The following CD200R1 variants were observed in gnomAD, a reference collection of about 807,000 sequenced individuals.
CD200R1 encodes CD200 receptor 1.
Under a neutral mutation model 38.1 loss-of-function variants are expected in CD200R1, and 30 were observed. The ratio of observed to expected loss-of-function variants is 0.79; its 90% CI spans 0.59 to 1.07. The LOEUF is 1.07. Ranked by LOEUF, CD200R1 falls within the 50% of genes least tolerant of loss-of-function variation. The pLI is 0.00. For missense variants in CD200R1, 372 were observed against 415.4 expected (o/e 0.90, Z 0.91); for synonymous variants, 128 against 152.1 (o/e 0.84, Z 1.16).
chr3:112,928,888 T>C lies in CD200R1; in HGVS notation c.697A>G (p.Asn233Asp), dbSNP rs1458462807. 5.6e-6 allele frequency: 9 copies of C among 1,613,970 alleles called. No individual in the cohort carries two copies. Among genetic ancestry groups the C allele is most frequent in the Non-Finnish European group, 6.8e-6 (8 of 1,179,970 alleles). ...ACGTGGCAGGTCACGGTAGACACAT[T>C]GTGGACCTCCCAGTGGCATGTACTC... ...VKSTCHWEVH[N>D]VSTVTCHVSH... The change falls in exon 5 of 8, where the codon AAT becomes GAT. Residue 233 changes from asparagine (N) to aspartate (D), a missense_variant. By Grantham distance (23) the Asn-to-Asp change is conservative. Transcript: ENST00000308611.
chr3:112,947,187 T>C (rs1003491278), intron 2 of CD200R1, among the ~76,000 whole-genome samples: 9 of 152,172 alleles, frequency 5.9e-5, no homozygotes, highest in African/African-American at 1.9e-4. Flanking sequence ...CTCTATAAAA[T>C]ATTATCATGG....
At chr3:112,935,782 G>A (rs1940562566) in intron 2 of CD200R1, among the ~76,000 whole-genome samples, 1 of 152,070 alleles carries the variant, frequency 6.6e-6, no homozygotes, top group African/African-American at 2.4e-5. Context: ...CAACAAAAAA[G>A]TTTTGTTTTT....
chr3:112,928,705 G>T, intron 5 of CD200R1, 111 bp downstream of exon 5: 2 of 779,204 alleles, frequency 2.6e-6, no homozygotes, highest in South Asian at 3.8e-5. Context: ...AGATAAAAAT[G>T]AAGAGTGGGG....
At chr3:112,951,612 A>T (rs1940970147) in intron 1 of CD200R1, among the ~76,000 whole-genome samples, 1 of 151,894 alleles carries the variant, frequency 6.6e-6, no homozygotes, top group Admixed American at 6.5e-5. Context: ...TATTAGGCAT[A>T]GAATTTTCAA....
chr3:112,921,394 A>G lies in CD200R1; in HGVS notation c.*2283T>C, dbSNP rs1455032615. On this transcript the variant is annotated 3_prime_UTR_variant, in exon 8 of 8. Transcript: ENST00000308611. Reference sequence around the variant, plus strand: ...AGTTTGTAAGTGAAGCATAACCCCAATAGATATTTAGTTATGATGAATTAC... The same window carrying G: ...AGTTTGTAAGTGAAGCATAACCCCAGTAGATATTTAGTTATGATGAATTAC... 1 of 152,092 alleles carries G rather than the reference A, an allele frequency of 6.6e-6. No homozygotes were observed. Among genetic ancestry groups the G allele is most frequent in the Non-Finnish European group, 1.5e-5 (1 of 68,002 alleles). The allele number at this position is 152,092 out of a possible 1,614,324, so 9.4% of individuals were successfully genotyped here.
At chr3:112,936,074 G>C (rs1301192059) in intron 2 of CD200R1, among the ~76,000 whole-genome samples, 1 of 152,068 alleles carries the variant, frequency 6.6e-6, no homozygotes, top group Non-Finnish European at 1.5e-5. Context: ...TTCTGCATTA[G>C]TTTGCTGAGG....
intron 2 of CD200R1, among the ~76,000 whole-genome samples, chr3:112,932,666 G>T (rs953214072): frequency 3.9e-5 from 6 of 152,200 alleles, no homozygotes; most frequent in African/African-American, 1.4e-4. Flanking sequence ...CAGGATCTGG[G>T]AAACTGTCAA....
At chr3:112,924,933 A>G in intron 6 of CD200R1, 152 bp downstream of exon 6, 3 of 621,114 alleles carry the variant, frequency 4.8e-6, no homozygotes, top group Non-Finnish European at 5.7e-6. Flanking sequence ...TCATCATTCA[A>G]AGTAGTCCAA....
intron 1 of CD200R1, among the ~76,000 whole-genome samples, chr3:112,973,906 T>C (rs775595257): frequency 6.6e-6 from 1 of 152,190 alleles, no homozygotes; most frequent in Non-Finnish European, 1.5e-5. Flanking sequence ...CTATAACTTC[T>C]ATAGGAACCT....
Position 112,923,806 on chromosome 3 carries a change from A to C in CD200R1, c.925-7T>G, listed in dbSNP as rs755624064. The C allele has an allele frequency of 1.4e-5, 21 of 1,528,952 alleles. No homozygotes were observed. In the South Asian group the frequency reaches 2.5e-4, roughly 18 times the overall value. 94.7% of individuals were successfully genotyped at this position (1,528,952 alleles called of 1,614,324 possible). A position where few individuals can be genotyped will look rare whatever the true frequency, so the allele number is the denominator to read the frequency against. On this transcript the variant is annotated splice_polypyrimidine_tract_variant and splice_region_variant and intron_variant, in intron 7 of 7. Coordinates refer to ENST00000308611, the MANE Select transcript of CD200R1 (RefSeq NM_138806.4). ...CATAGGGCTGCATTTCATCCTAAGA[A>C]AGAACTCAAAGTTAAAATCAATTCA...
intron 2 of CD200R1, among the ~76,000 whole-genome samples, chr3:112,946,759 T>C (rs535218938): frequency 6.8e-4 from 104 of 152,328 alleles, no homozygotes; most frequent in African/African-American, 2.4e-3. Context: ...TCTCCTACCA[T>C]GCAATCCAAC....
At chr3:112,973,851 C>G (rs1933368598) in intron 1 of CD200R1, among the ~76,000 whole-genome samples, 1 of 152,160 alleles carries the variant, frequency 6.6e-6, no homozygotes, top group South Asian at 2.1e-4. Context: ...CTCCTACCAA[C>G]CTTCTACAGT....
intron 2 of CD200R1, among the ~76,000 whole-genome samples, chr3:112,931,690 G>A (rs1337671201): frequency 6.6e-6 from 1 of 152,100 alleles, no homozygotes; most frequent in African/African-American, 2.4e-5. Flanking sequence ...AGTACAAAGG[G>A]AAAAATATAG....
rs777386929 is a variant in CD200R1 at position 112,924,475 on chromosome 3, TTTATC to T, written c.924+10_924+14del. 3.8e-6 allele frequency: 5 copies of T among 1,325,756 alleles called. No homozygotes were observed. Among genetic ancestry groups the T allele is most frequent in the Non-Finnish European group, 4.9e-6 (5 of 1,013,228 alleles). The allele number at this position is 1,325,756 out of a possible 1,614,324, so 82.1% of individuals were successfully genotyped here. A position where few individuals can be genotyped will look rare whatever the true frequency, so the allele number is the denominator to read the frequency against. On this transcript the variant is annotated intron_variant, in intron 7 of 7. Coordinates refer to ENST00000308611, the MANE Select transcript of CD200R1 (RefSeq NM_138806.4). ...TGGCTTAAGTTTGCAATTAGTCTTT[TTTATC>T]TTATCTTACCTCCTCAACAACTGGA...
At position 112,947,910 on chromosome 3, in the gene CD200R1, C is replaced by T; in HGVS notation, c.82G>A (p.Ala28Thr). ...IFLVAEAEGA[A>T]QPNNSLMLQT... ...AGCATTAATGAGTTGTTTGGTTGAGCAGCACCCTCCGCTTCTGAATTTTGA... is the reference window on the plus strand; with the variant it reads ...AGCATTAATGAGTTGTTTGGTTGAGTAGCACCCTCCGCTTCTGAATTTTGA... The change falls in exon 2 of 8, where the codon GCT becomes ACT. Residue 28 changes from alanine to threonine, a missense_variant. By Grantham distance (58) the Ala-to-Thr change is moderately conservative (BLOSUM62 0). Transcript: ENST00000308611. The T allele has an allele frequency of 1.2e-6, 2 of 1,611,918 alleles. No individual in the cohort carries two copies. Among genetic ancestry groups the T allele is most frequent in the Non-Finnish European group, 1.7e-6 (2 of 1,177,994 alleles).
At chr3:112,935,269 T>C (rs1161298672) in intron 2 of CD200R1, among the ~76,000 whole-genome samples, 1 of 152,160 alleles carries the variant, frequency 6.6e-6, no homozygotes, top group Non-Finnish European at 1.5e-5. Context: ...ACATTTTATA[T>C]AACAGCTGCA....
chr3:112,935,161 C>T (rs1181602934), intron 2 of CD200R1, among the ~76,000 whole-genome samples: 1 of 152,136 alleles, frequency 6.6e-6, no homozygotes, highest in African/African-American at 2.4e-5. Context: ...CTTCAACACC[C>T]TACTTTCAGC....
chr3:112,969,024 AAG>A (rs1303706400), intron 1 of CD200R1, among the ~76,000 whole-genome samples: 1 of 152,244 alleles, frequency 6.6e-6, no homozygotes, highest in Non-Finnish European at 1.5e-5. Context: ...ATTCTCAGAC[AAG>A]AGTCTTACAG....
intron 2 of CD200R1, among the ~76,000 whole-genome samples, chr3:112,932,216 T>C (rs1206448568): frequency 1.3e-5 from 2 of 152,100 alleles, no homozygotes; most frequent in Non-Finnish European, 2.9e-5. Flanking sequence ...TCCTGGGGAC[T>C]AGTAGCCACT....
Sources: allele counts gnomAD v4.1 joint callset (sites outside exome capture counted in the v4.1 genomes callset), GRCh38; gene constraint gnomAD v4.1.1; transcripts MANE v1.5; gene names NCBI Gene and HGNC (gene_info 2026-07-23, HGNC 2026-07-21).